The following BMP7 variants were observed in gnomAD, a reference collection of about 807,000 sequenced individuals.
The protein encoded by BMP7 is osteogenic protein 1.
In BMP7, 12 loss-of-function variants were observed where a neutral mutation model predicts 41.2. The ratio of observed to expected loss-of-function variants is 0.29; its 90% CI spans 0.19 to 0.47. BMP7 has a LOEUF of 0.47. BMP7 is among the 20% of genes least tolerant of loss of function. The probability of loss-of-function intolerance (pLI) is 0.99; values close to 1 mark genes in which losing one functional copy is unlikely to be tolerated. For synonymous variants in BMP7, 248 were observed against 250.0 expected, an observed-to-expected ratio of 0.99 and a Z score of 0.07; for missense variants, 467 against 606.0, an observed-to-expected ratio of 0.77 and a Z score of 2.41.
chr20:57,217,844 T>C (rs911301382), intron 2 of BMP7, among the ~76,000 whole-genome samples: 1 of 152,222 alleles, frequency 6.6e-6, no homozygotes, highest in African/African-American at 2.4e-5. Flanking sequence ...CTGTACCCTA[T>C]TGATGTTAGG....
rs911170718 is a variant in BMP7, at chr20:57,263,138, CAG to C, written c.418+2565_418+2566del. Among the ~76,000 whole-genome samples the C allele has an allele frequency of 1.5e-4, 23 of 152,262 alleles. 1 individual carries two copies. Among genetic ancestry groups the C allele is most frequent in the Admixed American group, 1.2e-3 (19 of 15,292 alleles). The stretch of plus-strand genomic sequence containing the variant: ...TAACTAATGACCTCGAGTTTAGGGA[CAG>C]AGAGAGAAAGAAAACAAGGTCAGTG... On this transcript the variant is annotated intron_variant, in intron 1 of 6. Transcript: ENST00000395863.
chr20:57,197,800 C>T (rs1984528980), intron 3 of BMP7, among the ~76,000 whole-genome samples: 1 of 152,230 alleles, frequency 6.6e-6, no homozygotes, highest in Non-Finnish European at 1.5e-5. Flanking sequence ...ATGGAACAGA[C>T]AAAGGAACAA....
chr20:57,179,202 T>A (rs532871249), intron 4 of BMP7, among the ~76,000 whole-genome samples: 7 of 152,176 alleles, frequency 4.6e-5, no homozygotes, highest in Non-Finnish European at 8.8e-5. Context: ...TTAGGACTTA[T>A]TAGCAGGAAA....
chr20:57,232,356 C>G (rs528422634), intron 1 of BMP7, among the ~76,000 whole-genome samples: 1 of 152,162 alleles, frequency 6.6e-6, no homozygotes, highest in East Asian at 1.9e-4. Context: ...GAATGACAAT[C>G]AATGCAGAAG....
chr20:57,229,176 A>C (rs558764680), intron 1 of BMP7, among the ~76,000 whole-genome samples: 1 of 152,328 alleles, frequency 6.6e-6, no homozygotes, highest in Admixed American at 6.5e-5. Context: ...GCTGCTGGAC[A>C]TGGGAAGAGA....
At chr20:57,212,290 G>A (rs571916216) in intron 2 of BMP7, among the ~76,000 whole-genome samples, 2 of 152,368 alleles carry the variant, frequency 1.3e-5, no homozygotes, top group Non-Finnish European at 2.9e-5. Flanking sequence ...TCCCGGCAGA[G>A]AGAACCGAAT....
In BMP7 at chr20:57,183,693, G is replaced by T. The variant is rs773725519; in HGVS notation, c.958+29C>A. The stretch of plus-strand genomic sequence containing the variant: ...GGGGCCCTGCTGGGTTCCTGTGGTG[G>T]GTCTGTGATCCCTCCCACCTAAGCA... On this transcript the variant is annotated intron_variant, in intron 4 of 6. Transcript: ENST00000395863. 7 of 1,612,820 alleles carry T rather than the reference G, an allele frequency of 4.3e-6. No homozygotes were observed. In the Admixed American group the frequency reaches 8.3e-5, roughly 19 times the overall value.
intron 1 of BMP7, among the ~76,000 whole-genome samples, chr20:57,260,288 C>T (rs138117746): frequency 6.6e-6 from 1 of 152,280 alleles, no homozygotes; most frequent in African/African-American, 2.4e-5. Flanking sequence ...ATAGAAAGAA[C>T]CAGCTCGCTT....
intron 3 of BMP7, among the ~76,000 whole-genome samples, chr20:57,186,165 T>A (rs1984206472): frequency 6.6e-6 from 1 of 152,170 alleles, no homozygotes. Context: ...CTGGGGAAAG[T>A]GTGTACAGCC....
At chr20:57,243,136 G>C (rs1346654877) in intron 1 of BMP7, among the ~76,000 whole-genome samples, 2 of 152,196 alleles carry the variant, frequency 1.3e-5, no homozygotes, top group African/African-American at 4.8e-5. Flanking sequence ...GGGTTTGCAG[G>C]GGGCCACTGC....
chr20:57,224,157 T>G lies in BMP7; in HGVS notation c.611+4072A>C, dbSNP rs951394665. On this transcript the variant is annotated intron_variant, in intron 2 of 6. Transcript: ENST00000395863. The surrounding 1 kb of genome is among the most constrained non-coding windows in gnomAD (Gnocchi z 4.8). ...CCAGGCCTCCTCTGCCAATCCATCC[T>G]GTGTGGTGGGGACAGGCAGGGGGCA... Among the ~76,000 whole-genome samples, 2 of 152,146 alleles carry G rather than the reference T, an allele frequency of 1.3e-5. No individual in the cohort carries two copies. The highest frequency in any genetic ancestry group is 1.3e-4 in the Admixed American group (2 of 15,278).
chr20:57,195,216 A>G (rs1470681487), intron 3 of BMP7, among the ~76,000 whole-genome samples: 2 of 152,220 alleles, frequency 1.3e-5, no homozygotes, highest in African/African-American at 4.8e-5. Context: ...GAGGGGATGC[A>G]GCCCACCCAC....
At chr20:57,230,311 G>A (rs967527486) in intron 1 of BMP7, among the ~76,000 whole-genome samples, 4 of 152,136 alleles carry the variant, frequency 2.6e-5, no homozygotes, top group Non-Finnish European at 4.4e-5. Flanking sequence ...AGGAGTCTCC[G>A]TAAAGGGCAG....
chr20:57,238,387 A>T (rs1278051544), intron 1 of BMP7, among the ~76,000 whole-genome samples: 1 of 152,126 alleles, frequency 6.6e-6, no homozygotes, highest in African/African-American at 2.4e-5. Flanking sequence ...CATTTTTGTG[A>T]TTGCGAGTAA....
intron 2 of BMP7, among the ~76,000 whole-genome samples, chr20:57,217,526 C>T (rs1985061344): frequency 6.6e-6 from 1 of 152,222 alleles, no homozygotes; most frequent in Non-Finnish European, 1.5e-5. Context: ...GTTCAGAAGA[C>T]ATCGAGCCAC....
intron 2 of BMP7, among the ~76,000 whole-genome samples, chr20:57,206,765 G>A (rs1032196466): frequency 6.6e-6 from 1 of 152,208 alleles, no homozygotes; most frequent in Admixed American, 6.5e-5. Context: ...ACTCCTGGAA[G>A]AGCATCTATA....
At chr20:57,251,849 GCTTGAAC>G (rs1234036034) in intron 1 of BMP7, among the ~76,000 whole-genome samples, 1 of 152,200 alleles carries the variant, frequency 6.6e-6, no homozygotes, top group Non-Finnish European at 1.5e-5. Flanking sequence ...CAGGAGAATT[GCTTGAAC>G]CCGGGAGGCA....
intron 2 of BMP7, among the ~76,000 whole-genome samples, chr20:57,223,221 C>T (rs1329565658): frequency 1.8e-5 from 2 of 111,992 alleles, no homozygotes; most frequent in Non-Finnish European, 3.6e-5. Flanking sequence ...CACAGTGAGA[C>T]TCCATCTCAA....
rs1461887166 is a variant in BMP7, at chr20:57,189,068, C to T, written c.761-5149G>A. On this transcript the variant is annotated intron_variant, in intron 3 of 6. Coordinates refer to ENST00000395863, the MANE Select transcript of BMP7 (RefSeq NM_001719.3). ...GGGACCTACACATGAGCTTGGAGGTCAGCACCCCAGGGGTGGGGAGGGGAC... is the reference window on the plus strand; with the variant it reads ...GGGACCTACACATGAGCTTGGAGGTTAGCACCCCAGGGGTGGGGAGGGGAC... Among the ~76,000 whole-genome samples the T allele has an allele frequency of 1.3e-5, 2 of 152,166 alleles. 1 individual carries two copies. Among genetic ancestry groups the T allele is most frequent in the Non-Finnish European group, 2.9e-5 (2 of 68,024 alleles).
Sources: gnomAD v4.1 joint callset for allele counts (sites outside exome capture counted in the v4.1 genomes callset) on GRCh38, gnomAD v4.1.1 for gene constraint, Gnocchi (gnomAD v3.1) non-coding constraint, MANE v1.5 for transcripts, NCBI Gene and HGNC (gene_info 2026-07-23, HGNC 2026-07-21) for gene names.